Variants in SGSM1 observed in about 807,000 individuals in gnomAD.
SGSM1 encodes the protein RUN and TBC1 domain containing 2.
A neutral mutation model predicts 133.8 loss-of-function variants in SGSM1; 73 were observed. That is an observed-to-expected ratio of 0.55 (90% CI 0.45 to 0.66). The LOEUF is 0.66. Among genes scored for constraint, SGSM1 ranks in the 30% least tolerant of loss-of-function variants. The probability of loss-of-function intolerance (pLI) is 0.00; values close to 1 mark genes in which losing one functional copy is unlikely to be tolerated. For synonymous variants in SGSM1, 563 were observed against 573.0 expected (o/e 0.98, Z 0.25); for missense variants, 1,213 against 1,448.1 (o/e 0.84, Z 2.64).
chr22:24,866,954 G>T, intron 9 of SGSM1, 139 bp from the exon 10 acceptor site: 1 of 758,322 alleles, frequency 1.3e-6, no homozygotes, highest in Non-Finnish European at 2.2e-6. Context: ...GATAGAGTCT[G>T]GGCAGGCTGG....
chr22:24,909,100 A>G lies in SGSM1; in HGVS notation c.2819-3543A>G, dbSNP rs899514381. 2.6e-5 allele frequency among the ~76,000 whole-genome samples: 4 copies of G among 152,116 alleles called. 1 individual carries two copies. The highest frequency in any genetic ancestry group is 5.9e-5 in the Non-Finnish European group (4 of 68,016). ...GCGTGAACCCTATTGTGAATTGTGC[A>G]TGTGAGGGGTCTAGGTTGTGCACTC... On this transcript the variant is annotated intron_variant, in intron 21 of 24. Coordinates refer to ENST00000400358, the MANE Select transcript of SGSM1 (RefSeq NM_001098497.3).
chr22:24,893,502 G>A lies in SGSM1; in HGVS notation c.1842G>A (p.Arg614=). 6.2e-7 allele frequency: 1 copy of A among 1,613,598 alleles called. No homozygotes were observed. Among genetic ancestry groups the A allele is most frequent in the South Asian group, 1.1e-5 (1 of 91,056 alleles). Residue 614 remains arginine, a synonymous_variant, in exon 17 of 25, where the codon CGG becomes CGA. Transcript: ENST00000400358. ...AEWLGCEAIV[R]QRERESHAAA... is the part of the protein sequence containing the mutation. ...GGCTGGGCTGCGAGGCGATCGTGCGGCAGAGGGAGCGGGAGTCCCATGCGG... is the reference window on the plus strand; with the variant it reads ...GGCTGGGCTGCGAGGCGATCGTGCGACAGAGGGAGCGGGAGTCCCATGCGG...
chr22:24,868,535 G>A lies in SGSM1; in HGVS notation c.1154G>A (p.Gly385Asp). The stretch of plus-strand genomic sequence containing the variant: ...GACCCGCCACTGTGGTCCCAGAGGG[G>A]TAAGGTGAGTGATCATCGGGACCCA... The part of the protein sequence containing the change: ...QLDPPLWSQR[G>D]KGKVFPKLRK... Residue 385 changes from glycine (G) to aspartate (D), a missense_variant, in exon 11 of 25, where the codon GGT becomes GAT. By Grantham distance (94) the Gly-to-Asp change is moderately conservative (BLOSUM62 -1). Transcript: ENST00000400358. 1.2e-6 allele frequency: 2 copies of A among 1,613,908 alleles called. No homozygotes were observed. The highest frequency in any genetic ancestry group is 1.7e-6 in the Non-Finnish European group (2 of 1,179,882).
intron 22 of SGSM1, among the ~76,000 whole-genome samples, chr22:24,916,190 T>G (rs1933816246): frequency 6.6e-6 from 1 of 152,132 alleles, no homozygotes; most frequent in African/African-American, 2.4e-5. Context: ...AGAAAGAAAT[T>G]CTTCACTAAC....
At chr22:24,922,169 CACTT>C (rs1224066443) in intron 24 of SGSM1, among the ~76,000 whole-genome samples, 2 of 149,476 alleles carry the variant, frequency 1.3e-5, no homozygotes, top group African/African-American at 2.5e-5. Flanking sequence ...TTTCACATGG[CACTT>C]ACTTTCTTTT....
intron 24 of SGSM1, 125 bp from the exon 25 acceptor site, chr22:24,924,061 G>C (rs759278249): frequency 8.8e-6 from 7 of 798,188 alleles, no homozygotes; most frequent in Non-Finnish European, 1.5e-5. Flanking sequence ...GCCTTCTCCA[G>C]GGCCTCTGCT....
At chr22:24,820,584 C>A (rs948145401) in intron 2 of SGSM1, among the ~76,000 whole-genome samples, 1 of 152,212 alleles carries the variant, frequency 6.6e-6, no homozygotes, top group Admixed American at 6.5e-5. Context: ...CTCCCCACTG[C>A]CACCTATCCC....
At chr22:24,829,343 G>T (rs1223704835) in intron 2 of SGSM1, among the ~76,000 whole-genome samples, 4 of 152,112 alleles carry the variant, frequency 2.6e-5, no homozygotes, top group Middle Eastern at 3.2e-3. Flanking sequence ...AGAACGTATG[G>T]ACACAAAGAG....
intron 2 of SGSM1, among the ~76,000 whole-genome samples, chr22:24,834,083 C>T (rs893507425): frequency 6.6e-6 from 1 of 152,276 alleles, no homozygotes; most frequent in Non-Finnish European, 1.5e-5. Flanking sequence ...GGTGGCCGCG[C>T]TCCTGCATCA....
chr22:24,872,718 G>A (rs902252009), intron 12 of SGSM1, among the ~76,000 whole-genome samples: 4 of 152,034 alleles, frequency 2.6e-5, no homozygotes, highest in Admixed American at 2.0e-4. Flanking sequence ...GGAGATTCGA[G>A]ACCATCCTGG....
intron 23 of SGSM1, 58 bp downstream of exon 23, chr22:24,917,812 GA>G: frequency 6.9e-7 from 1 of 1,459,310 alleles, no homozygotes; most frequent in Non-Finnish European, 9.5e-7. Context: ...ACTTTCAGGG[GA>G]AAAGATCCCG....
rs147844069 is a variant in SGSM1, at chr22:24,827,138, G to A, written c.64-17759G>A. 2.6e-3 allele frequency among the ~76,000 whole-genome samples: 394 copies of A among 152,256 alleles called. 1 individual carries two copies. The highest frequency in any genetic ancestry group is 9.0e-3 in the African/African-American group (375 of 41,544). The stretch of plus-strand genomic sequence containing the variant: ...AGGAGTAAACCCAGCCCAGTGTGGG[G>A]AGGCAGGGATGAGAAGCAAGTTAAT... On this transcript the variant is annotated intron_variant, in intron 2 of 24. Coordinates refer to ENST00000400358, the MANE Select transcript of SGSM1 (RefSeq NM_001098497.3).
chr22:24,870,162 G>C (rs2147877022), intron 12 of SGSM1, among the ~76,000 whole-genome samples: 1 of 152,308 alleles, frequency 6.6e-6, no homozygotes, highest in Non-Finnish European at 1.5e-5. Context: ...TCATGACCAT[G>C]TCTGTTCCTG....
At chr22:24,813,469 T>G (rs1428704204) in intron 2 of SGSM1, among the ~76,000 whole-genome samples, 1 of 152,124 alleles carries the variant, frequency 6.6e-6, no homozygotes, top group African/African-American at 2.4e-5. Flanking sequence ...CACCCACTAC[T>G]CGCCCCACTG....
intron 2 of SGSM1, chr22:24,843,437 T>A (rs1929919310): frequency 6.5e-6 from 1 of 152,676 alleles, no homozygotes; most frequent in African/African-American, 2.4e-5. Context: ...TGCATGGATG[T>A]GCTGGCCTGG....
chr22:24,876,977 G>A (rs1730366868), intron 13 of SGSM1, among the ~76,000 whole-genome samples: 1 of 152,194 alleles, frequency 6.6e-6, no homozygotes, highest in African/African-American at 2.4e-5. Flanking sequence ...CATGCATGCT[G>A]TGTTTCTATC....
At position 24,859,751 on chromosome 22, in the gene SGSM1, C is replaced by T. The variant is rs1235817273; in HGVS notation, c.837C>T (p.Ser279=). The T allele has an allele frequency of 1.2e-6, 2 of 1,613,826 alleles. No homozygotes were observed. Among genetic ancestry groups the T allele is most frequent in the Non-Finnish European group, 1.7e-6 (2 of 1,179,872 alleles). The part of the protein sequence containing the change: ...DDMEAVPGYL[S]LHQTADVMTL... ...TGGAGGCTGTGCCAGGGTACCTGTCCCTGCACCAGACGGCTGACGTCATGA... is the reference window on the plus strand; with the variant it reads ...TGGAGGCTGTGCCAGGGTACCTGTCTCTGCACCAGACGGCTGACGTCATGA... The change falls in exon 9 of 25, where the codon TCC becomes TCT. Residue 279 remains serine, a synonymous_variant. Transcript: ENST00000400358.
chr22:24,858,803 A>G (rs1285660947), intron 8 of SGSM1, among the ~76,000 whole-genome samples: 6 of 152,206 alleles, frequency 3.9e-5, no homozygotes, highest in African/African-American at 7.2e-5. Flanking sequence ...ATCGCAGTCA[A>G]ATCTTTTTGA....
rs958046202 is a variant in SGSM1, at chr22:24,919,752, G to A, written c.3026-74G>A. On this transcript the variant is annotated intron_variant, in intron 23 of 24. Transcript: ENST00000400358. ...TTGCCCGGGATTTTCCCACCTTGGG[G>A]GGCTTCCCAAGGCAGGGCAACACTG... The A allele has an allele frequency of 4.5e-6, 7 of 1,570,114 alleles. No individual in the cohort carries two copies. In the Admixed American group the frequency reaches 5.1e-5, roughly 11 times the overall value.
Sources: gnomAD v4.1 joint callset for allele counts (sites outside exome capture counted in the v4.1 genomes callset) on GRCh38, gnomAD v4.1.1 for gene constraint, MANE v1.5 for transcripts, NCBI Gene and HGNC (gene_info 2026-07-23, HGNC 2026-07-21) for gene names.